STK32B: variants seen among roughly 807,000 people sequenced by gnomAD.
The protein encoded by STK32B is serine/threonine kinase 32B.
STK32B carries 43 observed loss-of-function variants against 52.6 expected under a neutral mutation model. That is an observed-to-expected ratio of 0.82 (90% CI 0.64 to 1.05). The LOEUF (loss-of-function observed/expected upper bound fraction) is 1.05. Among genes scored for constraint, STK32B ranks in the 50% least tolerant of loss-of-function variants. The pLI is 0.00. For missense variants in STK32B, 621 were observed against 534.6 expected (o/e 1.16, Z -1.59); for synonymous variants, 238 against 204.3 (o/e 1.17, Z -1.41).
chr4:5,110,306 G>T (rs928533403), intron 1 of STK32B, among the ~76,000 whole-genome samples: 7 of 124,580 alleles, frequency 5.6e-5, no homozygotes, highest in African/African-American at 1.5e-4. Flanking sequence ...AATGACCAAA[G>T]CACTCCTGAG....
At chr4:5,151,409 G>GT (rs1717355294) in intron 2 of STK32B, among the ~76,000 whole-genome samples, 1 of 152,218 alleles carries the variant, frequency 6.6e-6, no homozygotes, top group Non-Finnish European at 1.5e-5. Flanking sequence ...GTCTTTGGCA[G>GT]TTTTGATACC....
At chr4:5,210,368 G>C (rs1041329769) in intron 3 of STK32B, among the ~76,000 whole-genome samples, 2 of 152,114 alleles carry the variant, frequency 1.3e-5, no homozygotes, top group South Asian at 2.1e-4. Flanking sequence ...GCCTGGGCCT[G>C]GTGTTCCCAG....
chr4:5,384,899 G>A (rs1283316593), intron 4 of STK32B, among the ~76,000 whole-genome samples: 1 of 151,874 alleles, frequency 6.6e-6, no homozygotes, highest in East Asian at 1.9e-4. Flanking sequence ...GGTGGAGATC[G>A]AGATCCTAGG....
intron 4 of STK32B, among the ~76,000 whole-genome samples, chr4:5,389,334 C>T (rs1354996802): frequency 2.0e-5 from 3 of 152,200 alleles, no homozygotes; most frequent in Non-Finnish European, 4.4e-5. Context: ...ACAGGCTGGG[C>T]AGCTTAAACA....
At chr4:5,054,516 G>GA (rs1741923241) in intron 1 of STK32B, among the ~76,000 whole-genome samples, 1 of 148,032 alleles carries the variant, frequency 6.8e-6, no homozygotes, top group Admixed American at 6.8e-5. Context: ...GCTCATGTGG[G>GA]GGGATTGAGG....
At chr4:5,224,314 G>T (rs577279091) in intron 3 of STK32B, among the ~76,000 whole-genome samples, 5 of 152,320 alleles carry the variant, frequency 3.3e-5, no homozygotes, top group Non-Finnish European at 1.5e-5. Flanking sequence ...CTCCTCATGG[G>T]ACCTCCCAAT....
In STK32B at chr4:5,058,786, T is replaced by G. The variant is rs1043412236; in HGVS notation, c.52+6871T>G. Reference sequence around the variant, plus strand: ...TTTTTTGATATAGAATCTCTCTCTCTGTCTCCCAGGATGGAGTGCAGTGGC... The same window carrying G: ...TTTTTTGATATAGAATCTCTCTCTCGGTCTCCCAGGATGGAGTGCAGTGGC... On this transcript the variant is annotated intron_variant, in intron 1 of 11. Coordinates refer to ENST00000282908, the MANE Select transcript of STK32B (RefSeq NM_018401.3). The surrounding 1 kb of genome is among the most constrained non-coding windows in gnomAD (Gnocchi z 4.8). Among the ~76,000 whole-genome samples the G allele has an allele frequency of 1.3e-5, 2 of 152,250 alleles. No homozygotes were observed. The highest frequency in any genetic ancestry group is 3.9e-4 in the East Asian group (2 of 5,182).
intron 4 of STK32B, among the ~76,000 whole-genome samples, chr4:5,342,753 C>G (rs1733172482): frequency 6.6e-6 from 1 of 152,166 alleles, no homozygotes; most frequent in Non-Finnish European, 1.5e-5. Context: ...CTTTTTCTAC[C>G]TTGTTCATCT....
At chr4:5,329,257 G>C (rs142353751) in intron 3 of STK32B, among the ~76,000 whole-genome samples, 1 of 152,194 alleles carries the variant, frequency 6.6e-6, no homozygotes, top group East Asian at 1.9e-4. Flanking sequence ...ATCCCGTGAG[G>C]TTTGTTCCAG....
At chr4:5,195,642 G>A (rs1451305685) in intron 3 of STK32B, among the ~76,000 whole-genome samples, 1 of 152,134 alleles carries the variant, frequency 6.6e-6, no homozygotes, top group East Asian at 1.9e-4. Context: ...GCAGTGAGCC[G>A]AGATCACGCA....
intron 3 of STK32B, among the ~76,000 whole-genome samples, chr4:5,319,720 G>A (rs1339742298): frequency 6.6e-5 from 10 of 152,154 alleles, no homozygotes; most frequent in Admixed American, 6.6e-4. Context: ...ATACAGTCTT[G>A]TTAGTTCAGA....
intron 1 of STK32B, among the ~76,000 whole-genome samples, chr4:5,123,957 A>T (rs956870060): frequency 1.3e-5 from 2 of 152,126 alleles, no homozygotes; most frequent in Non-Finnish European, 1.5e-5. Context: ...GGCTCTGATC[A>T]AAGCCTGTTA....
chr4:5,295,222 G>A (rs1729120420), intron 3 of STK32B, among the ~76,000 whole-genome samples: 2 of 148,220 alleles, frequency 1.3e-5, no homozygotes, highest in Admixed American at 1.3e-4. Flanking sequence ...CAGGGATATT[G>A]GGTTGAAGTT....
rs1716086173 is a variant in STK32B, at chr4:5,136,478, T to G, written c.53-3427T>G. ...GCTAGCCCAAGCAGTGCTTGTGGCTTCCTCAGATGGAATGGGTTCCTGTTC... is the reference window on the plus strand; with the variant it reads ...GCTAGCCCAAGCAGTGCTTGTGGCTGCCTCAGATGGAATGGGTTCCTGTTC... On this transcript the variant is annotated intron_variant, in intron 1 of 11. Coordinates refer to ENST00000282908, the MANE Select transcript of STK32B (RefSeq NM_018401.3). Among the ~76,000 whole-genome samples, 3 of 152,194 alleles carry G rather than the reference T, an allele frequency of 2.0e-5. No individual in the cohort carries two copies. In the South Asian group the frequency reaches 6.2e-4, roughly 31 times the overall value.
At chr4:5,425,008 G>T (rs867263873) in intron 6 of STK32B, among the ~76,000 whole-genome samples, 1 of 152,206 alleles carries the variant, frequency 6.6e-6, no homozygotes, top group Non-Finnish European at 1.5e-5. Context: ...TGGTCCAGAC[G>T]CAGCCTTGGA....
At chr4:5,044,118 G>A in the STK32B span, among the ~76,000 whole-genome samples, 1 of 152,168 alleles carries the variant, frequency 6.6e-6, no homozygotes, top group South Asian at 2.1e-4. Flanking sequence ...GCCAAAGGCA[G>A]TTGATCCAGC....
At chr4:5,145,900 A>G (rs1299186362) in intron 2 of STK32B, among the ~76,000 whole-genome samples, 1 of 152,186 alleles carries the variant, frequency 6.6e-6, no homozygotes, top group Non-Finnish European at 1.5e-5. Flanking sequence ...TGCCATTTGT[A>G]TAAGAAAACC....
At chr4:5,181,017 A>C (rs200112324) in intron 3 of STK32B, among the ~76,000 whole-genome samples, 11,248 of 152,014 alleles carry the variant, frequency 0.074, 555 homozygotes, top group African/African-American at 0.12. Context: ...CATGAGTGGG[A>C]GCCCTGGTGG....
chr4:5,352,685 A>G (rs896491274), intron 4 of STK32B, among the ~76,000 whole-genome samples: 1 of 151,858 alleles, frequency 6.6e-6, no homozygotes, highest in African/African-American at 2.4e-5. Context: ...ATATGATATG[A>G]TATCTAGAAA....
Sources: gnomAD v4.1 joint callset for allele counts (sites outside exome capture counted in the v4.1 genomes callset) on GRCh38, gnomAD v4.1.1 for gene constraint, Gnocchi (gnomAD v3.1) non-coding constraint, MANE v1.5 for transcripts, NCBI Gene and HGNC (gene_info 2026-07-23, HGNC 2026-07-21) for gene names.